LAMA2: variants seen among roughly 807,000 people sequenced by gnomAD.
The protein encoded by LAMA2 is laminin subunit alpha 2, also known as laminin subunit alpha-2.
In LAMA2, 269 loss-of-function variants were observed where a neutral mutation model predicts 364.8. The ratio of observed to expected loss-of-function variants is 0.74; its 90% CI spans 0.67 to 0.82. The LOEUF is 0.82. LAMA2 is among the 40% of genes least tolerant of loss of function. The probability of loss-of-function intolerance (pLI) is 0.00; values close to 1 mark genes in which losing one functional copy is unlikely to be tolerated. For missense variants in LAMA2, 3,807 were observed against 3,873.2 expected (o/e 0.98, Z 0.45); for synonymous variants, 1,379 against 1,370.6 (o/e 1.01, Z -0.14).
intron 28 of LAMA2, among the ~76,000 whole-genome samples, chr6:129,325,755 A>T (rs909512554): frequency 1.3e-5 from 2 of 152,190 alleles, no homozygotes; most frequent in African/African-American, 4.8e-5. Context: ...TAACTTGCCC[A>T]TATCTCTCAG....
At chr6:129,269,176 A>G (rs1390582189) in intron 16 of LAMA2, among the ~76,000 whole-genome samples, 1 of 152,008 alleles carries the variant, frequency 6.6e-6, no homozygotes, top group Non-Finnish European at 1.5e-5. Context: ...GTAGGTCTAT[A>G]TTTAAAAGAC....
chr6:129,220,541 C>G (rs1267359296), intron 12 of LAMA2, among the ~76,000 whole-genome samples: 2 of 152,202 alleles, frequency 1.3e-5, no homozygotes, highest in African/African-American at 4.8e-5. Flanking sequence ...ATCACAAATA[C>G]TATTTTCTGC....
intron 1 of LAMA2, among the ~76,000 whole-genome samples, chr6:128,915,550 C>A (rs1414714981): frequency 6.6e-6 from 1 of 152,162 alleles, no homozygotes; most frequent in Admixed American, 6.5e-5. Context: ...TCAAAAACAT[C>A]GGAACCCTTT....
At chr6:129,258,008 G>C (rs557999317) in intron 14 of LAMA2, among the ~76,000 whole-genome samples, 1 of 150,846 alleles carries the variant, frequency 6.6e-6, no homozygotes, top group Non-Finnish European at 1.5e-5. Flanking sequence ...ACATTTATCT[G>C]TCTATCTACC....
intron 41 of LAMA2, among the ~76,000 whole-genome samples, chr6:129,433,027 G>A (rs552590629): frequency 1.3e-5 from 2 of 152,280 alleles, no homozygotes; most frequent in African/African-American, 4.8e-5. Flanking sequence ...CATCTCTGAG[G>A]TTCCCATATG....
intron 64 of LAMA2, among the ~76,000 whole-genome samples, chr6:129,515,306 G>A (rs1016463842): frequency 3.9e-5 from 6 of 152,198 alleles, no homozygotes; most frequent in African/African-American, 1.4e-4. Context: ...CAAGCAAAAT[G>A]TATATTCAGC....
In LAMA2 at chr6:129,055,179, A is replaced by ATTAT. The variant is rs1554207607; in HGVS notation, c.284-4603_284-4600dup. On this transcript the variant is annotated intron_variant, in intron 2 of 64. Transcript: ENST00000421865. ...GATTTACTTTACATTATTATTATTTATTATTATTATTATTATTATTATTAT... is the reference window on the plus strand; with the variant it reads ...GATTTACTTTACATTATTATTATTTATTATTTATTATTATTATTATTATTATTAT... Among the ~76,000 whole-genome samples the ATTAT allele has an allele frequency of 1.0e-3, 125 of 120,722 alleles. 1 individual carries two copies. Among genetic ancestry groups the ATTAT allele is most frequent in the South Asian group, 4.4e-3 (17 of 3,882 alleles). The allele number at this position is 120,722 out of a possible 152,430, so 79.2% of individuals were successfully genotyped here. A position where few individuals can be genotyped will look rare whatever the true frequency, so the allele number is the denominator to read the frequency against.
intron 60 of LAMA2, among the ~76,000 whole-genome samples, chr6:129,503,814 C>A (rs1389783106): frequency 6.6e-6 from 1 of 152,138 alleles, no homozygotes; most frequent in Non-Finnish European, 1.5e-5. Context: ...TCTGGTTGAT[C>A]GTGTTTAAAG....
At chr6:129,358,400 T>C (rs1777275916) in intron 32 of LAMA2, among the ~76,000 whole-genome samples, 1 of 152,056 alleles carries the variant, frequency 6.6e-6, no homozygotes, top group Non-Finnish European at 1.5e-5. Context: ...GCAAGTTTTA[T>C]TTGAAGAGTA....
intron 41 of LAMA2, among the ~76,000 whole-genome samples, chr6:129,435,771 C>T (rs4897323): frequency 2.0e-5 from 3 of 151,910 alleles, no homozygotes; most frequent in Non-Finnish European, 2.9e-5. Flanking sequence ...TAATATGTCC[C>T]GTACTCTTCT....
chr6:129,316,023 T>C lies in LAMA2; in HGVS notation c.3925-15T>C, dbSNP rs759495066. ...CATTCAGTTTTGTCATAGTGATTTC[T>C]CTTCTTGTTAACAGAAAGAATGGAA... On this transcript the variant is annotated splice_polypyrimidine_tract_variant and intron_variant, in intron 26 of 64. Coordinates refer to ENST00000421865, the MANE Select transcript of LAMA2 (RefSeq NM_000426.4). The C allele has an allele frequency of 1.5e-5, 24 of 1,613,956 alleles. No homozygotes were observed. The highest frequency in any genetic ancestry group is 1.9e-5 in the Non-Finnish European group (23 of 1,179,974).
chr6:129,489,929 T>TA lies in LAMA2; in HGVS notation c.7899-1960dup, dbSNP rs11335861. Among the ~76,000 whole-genome samples, 281 of 149,854 alleles carry TA rather than the reference T, an allele frequency of 1.9e-3. 1 individual carries two copies. The highest frequency in any genetic ancestry group is 6.9e-3 in the Middle Eastern group (2 of 290). On this transcript the variant is annotated intron_variant, in intron 56 of 64. Transcript: ENST00000421865. ...CTCTAAGAATCAGCCACTGAAACTG[T>TA]AAAAAAAAAAAATAAAGCTGACCTA...
intron 12 of LAMA2, among the ~76,000 whole-genome samples, chr6:129,236,949 A>T (rs1001723998): frequency 1.3e-5 from 2 of 152,210 alleles, no homozygotes; most frequent in African/African-American, 4.8e-5. Flanking sequence ...ATGCACTCAA[A>T]CGTGTTCAGC....
At chr6:128,903,047 T>C (rs1452184454) in intron 1 of LAMA2, among the ~76,000 whole-genome samples, 1 of 152,152 alleles carries the variant, frequency 6.6e-6, no homozygotes, top group Non-Finnish European at 1.5e-5. Flanking sequence ...CTATAATAGA[T>C]TTGTGTATGG....
At chr6:129,293,207 T>C (rs1789840681) in intron 20 of LAMA2, 14 of 427,160 alleles carry the variant, frequency 3.3e-5, no homozygotes, top group Non-Finnish European at 4.4e-5. Context: ...CAATTCCTAA[T>C]TGAACCCTTG....
At chr6:128,985,174 G>A (rs1410226545) in intron 1 of LAMA2, among the ~76,000 whole-genome samples, 1 of 152,070 alleles carries the variant, frequency 6.6e-6, no homozygotes, top group Admixed American at 6.6e-5. Flanking sequence ...AAGAAAAGTG[G>A]GTCAGATGGT....
In LAMA2 at chr6:129,076,513, A is replaced by ATATATT. The variant is rs1562216909; in HGVS notation, c.396+16617_396+16618insTATATT. Among the ~76,000 whole-genome samples, 41 of 142,700 alleles carry ATATATT rather than the reference A, an allele frequency of 2.9e-4. 1 individual carries two copies. The highest frequency in any genetic ancestry group is 1.0e-3 in the African/African-American group (39 of 38,590). The allele number at this position is 142,700 out of a possible 152,430, so 93.6% of individuals were successfully genotyped here. ...ATATTATATATAAATATATATATATAATATATATAAAATTAGAGAATCTTT... is the reference window on the plus strand; with the variant it reads ...ATATTATATATAAATATATATATATATATATTATATATATAAAATTAGAGAATCTTT... On this transcript the variant is annotated intron_variant, in intron 3 of 64. Transcript: ENST00000421865.
chr6:129,411,171 A>G lies in LAMA2; in HGVS notation c.5865+7212A>G, dbSNP rs1368928365. 5.3e-5 allele frequency among the ~76,000 whole-genome samples: 8 copies of G among 152,326 alleles called. No homozygotes were observed. In the South Asian group the frequency reaches 1.2e-3, roughly 24 times the overall value. Reference sequence around the variant, plus strand: ...GTCAAGTTGACACATACAATTTACAATGACACTGGCCTTCAACTCCAGTGC... The same window carrying G: ...GTCAAGTTGACACATACAATTTACAGTGACACTGGCCTTCAACTCCAGTGC... On this transcript the variant is annotated intron_variant, in intron 40 of 64. Coordinates refer to ENST00000421865, the MANE Select transcript of LAMA2 (RefSeq NM_000426.4).
chr6:129,068,459 T>G (rs1773083728), intron 3 of LAMA2, among the ~76,000 whole-genome samples: 1 of 152,200 alleles, frequency 6.6e-6, no homozygotes, highest in African/African-American at 2.4e-5. Flanking sequence ...TAGATGGCCT[T>G]CTTCTTGCTG....
Sources: allele counts gnomAD v4.1 joint callset (sites outside exome capture counted in the v4.1 genomes callset), GRCh38; gene constraint gnomAD v4.1.1; transcripts MANE v1.5; gene names NCBI Gene and HGNC (gene_info 2026-07-23, HGNC 2026-07-21).